The following PDE2A variants were observed in gnomAD, a reference collection of about 807,000 sequenced individuals.
PDE2A encodes phosphodiesterase 2A.
Under a neutral mutation model 133.6 loss-of-function variants are expected in PDE2A, and 53 were observed. The observed-to-expected ratio is 0.40, with a 90% CI of 0.32 to 0.50. The LOEUF is 0.50. Among genes scored for constraint, PDE2A ranks in the 20% least tolerant of loss-of-function variants. The pLI, the probability that PDE2A is intolerant of heterozygous loss-of-function variation, is 0.73. For missense variants in PDE2A, 796 were observed against 1,232.4 expected, an observed-to-expected ratio of 0.65 and a Z score of 5.30; for synonymous variants, 491 against 490.2, an observed-to-expected ratio of 1.00 and a Z score of -0.02.
At chr11:72,580,251 G>A (rs1855661242) in intron 25 of PDE2A, among the ~76,000 whole-genome samples, 1 of 152,208 alleles carries the variant, frequency 6.6e-6, no homozygotes, top group African/African-American at 2.4e-5. Context: ...TGTGCACGAG[G>A]AGGTAGGCAG....
At chr11:72,598,155 A>C (rs926042579) in intron 4 of PDE2A, among the ~76,000 whole-genome samples, 2 of 152,256 alleles carry the variant, frequency 1.3e-5, no homozygotes, top group Non-Finnish European at 2.9e-5. Context: ...CAGAATTCCC[A>C]GCAATTCTAT....
chr11:72,623,641 G>A (rs1857898075), intron 2 of PDE2A, among the ~76,000 whole-genome samples: 1 of 151,780 alleles, frequency 6.6e-6, no homozygotes, highest in South Asian at 2.1e-4. Flanking sequence ...CACCCCACTA[G>A]TGCTGACCCT....
intron 4 of PDE2A, among the ~76,000 whole-genome samples, chr11:72,599,305 C>T (rs1259082067): frequency 6.6e-6 from 1 of 152,052 alleles, no homozygotes; most frequent in African/African-American, 2.4e-5. Context: ...ACTCTCCAGC[C>T]CTCACTCATG....
At chr11:72,640,509 G>T (rs1326935390) in intron 2 of PDE2A, among the ~76,000 whole-genome samples, 1 of 152,056 alleles carries the variant, frequency 6.6e-6, no homozygotes, top group Non-Finnish European at 1.5e-5. Flanking sequence ...AGAATCGCGG[G>T]AGCAGCCACC....
chr11:72,638,137 AC>A (rs151116198), intron 2 of PDE2A, among the ~76,000 whole-genome samples: 4,037 of 152,260 alleles, frequency 0.027, 188 homozygotes, highest in African/African-American at 0.092. Context: ...CCAGAGCCCA[AC>A]CTGGCAGCAA....
chr11:72,642,435 G>T (rs1298824756), intron 1 of PDE2A, 109 bp from the exon 2 acceptor site: 8 of 1,199,622 alleles, frequency 6.7e-6, no homozygotes, highest in East Asian at 3.5e-5. Flanking sequence ...GCGCGTCCGC[G>T]ACAGCTTCGC....
intron 18 of PDE2A, 103 bp from the exon 19 acceptor site, chr11:72,584,416 C>T (rs777855584): frequency 1.1e-5 from 14 of 1,258,678 alleles, no homozygotes; most frequent in East Asian, 2.5e-5. Context: ...AGGTTACGTA[C>T]GTCCCAGGCA....
Position 72,583,479 on chromosome 11 carries a change from G to C in PDE2A, c.1687C>G (p.Arg563Gly). 6.2e-7 allele frequency: 1 copy of C among 1,612,542 alleles called. No homozygotes were observed. The highest frequency in any genetic ancestry group is 8.5e-7 in the Non-Finnish European group (1 of 1,178,574). ...ATCATCTCATTGGCCAGGTGGCTGC[G>C]ATACTGAGCCTCATTCACTTTTTTG... ...LYKKVNEAQY[R>G]SHLANEMMMY... is the part of the protein sequence containing the mutation. The change falls in exon 20 of 31, where the codon CGC becomes GGC. Residue 563 changes from arginine (R) to glycine (G), a missense_variant. This residue lies in a region of PDE2A where 218 missense variants were observed against 465.9 expected (regional missense o/e 0.47). Coordinates refer to ENST00000334456, the MANE Select transcript of PDE2A (RefSeq NM_002599.5).
chr11:72,581,653 C>T (rs1385954723), intron 22 of PDE2A, among the ~76,000 whole-genome samples, 174 bp from the exon 23 acceptor site: 2 of 152,194 alleles, frequency 1.3e-5, no homozygotes, highest in Non-Finnish European at 2.9e-5. Flanking sequence ...TCTGGCTACA[C>T]ACTCTCGGCC....
chr11:72,584,990 T>G (rs1295028151), intron 16 of PDE2A, 46 bp from the exon 17 acceptor site: 1 of 1,579,630 alleles, frequency 6.3e-7, no homozygotes, highest in East Asian at 2.2e-5. Context: ...CAACCCCCTC[T>G]GATCGCCCTC....
At position 72,588,928 on chromosome 11, in the gene PDE2A, G is replaced by A. The variant is rs1450339330; in HGVS notation, c.940-14C>T. ...TTGTACATCCTCCTGCAAAGGCGAG[G>A]CAAGTCAGGGCAGGGAAGCAGGGCG... On this transcript the variant is annotated splice_polypyrimidine_tract_variant and intron_variant, in intron 12 of 30. Coordinates refer to ENST00000334456, the MANE Select transcript of PDE2A (RefSeq NM_002599.5). 3.1e-6 allele frequency: 5 copies of A among 1,592,456 alleles called. No individual in the cohort carries two copies. Among genetic ancestry groups the A allele is most frequent in the Non-Finnish European group, 4.3e-6 (5 of 1,165,024 alleles).
intron 2 of PDE2A, chr11:72,636,004 C>T (rs1417583880): frequency 7.9e-7 from 1 of 1,258,774 alleles, no homozygotes; most frequent in Non-Finnish European, 1.0e-6. Context: ...ACTCCCATGC[C>T]CTTCCTGTCT....
chr11:72,584,060 G>C (rs914802888), intron 19 of PDE2A, 141 bp downstream of exon 19: 8 of 615,846 alleles, frequency 1.3e-5, no homozygotes, highest in African/African-American at 1.3e-4. Context: ...TGTCCTGAAG[G>C]CTGCACCCCA....
chr11:72,607,575 G>A (rs1044318353), intron 3 of PDE2A, among the ~76,000 whole-genome samples: 40 of 152,130 alleles, frequency 2.6e-4, no homozygotes, highest in African/African-American at 9.7e-4. Flanking sequence ...GAGGTTTGGG[G>A]AAGGCAGAGC....
chr11:72,646,145 T>A (rs1859122865), intron 1 of PDE2A, among the ~76,000 whole-genome samples: 1 of 152,168 alleles, frequency 6.6e-6, no homozygotes, highest in Admixed American at 6.5e-5. Context: ...CAGCTCCAGC[T>A]TAGGAATGCA....
intron 2 of PDE2A, among the ~76,000 whole-genome samples, chr11:72,620,128 C>A (rs913839043): frequency 6.6e-6 from 1 of 152,200 alleles, no homozygotes; most frequent in Non-Finnish European, 1.5e-5. Context: ...AGACTTTGGC[C>A]TTGCAGGTGA....
chr11:72,592,414 CGGGAAG>C (rs1427982630), intron 6 of PDE2A, among the ~76,000 whole-genome samples: 3 of 152,146 alleles, frequency 2.0e-5, no homozygotes, highest in Non-Finnish European at 4.4e-5. Flanking sequence ...AGCAGGTTCT[CGGGAAG>C]CTCACAGTCT....
chr11:72,671,537 T>G (rs1415303186), intron 1 of PDE2A, among the ~76,000 whole-genome samples: 3 of 143,198 alleles, frequency 2.1e-5, no homozygotes, highest in Admixed American at 6.9e-5. Flanking sequence ...AGCCAAGCCA[T>G]CAGCAGTCCC....
At chr11:72,646,392 G>A (rs1250681542) in intron 1 of PDE2A, among the ~76,000 whole-genome samples, 7 of 152,204 alleles carry the variant, frequency 4.6e-5, no homozygotes, top group African/African-American at 1.7e-4. Flanking sequence ...CACGGCATTA[G>A]CCCCATTTTA....
Sources: gnomAD v4.1 joint callset for allele counts (sites outside exome capture counted in the v4.1 genomes callset) on GRCh38, gnomAD v4.1.1 for gene constraint, gnomAD v4.1.1 regional missense constraint, MANE v1.5 for transcripts, NCBI Gene and HGNC (gene_info 2026-07-23, HGNC 2026-07-21) for gene names.